RAB37: variants seen among roughly 807,000 people sequenced by gnomAD.
RAB37 encodes ras-related protein Rab-37.
A neutral mutation model predicts 33.1 loss-of-function variants in RAB37; 29 were observed. The observed-to-expected ratio is 0.88, with a 90% confidence interval of 0.65 to 1.20. RAB37 has a LOEUF of 1.20. RAB37 is among the 50% of genes most tolerant of loss of function. The probability of loss-of-function intolerance (pLI) is 0.00; values close to 1 mark genes in which losing one functional copy is unlikely to be tolerated. For missense variants in RAB37, 299 were observed against 301.1 expected, an observed-to-expected ratio of 0.99 and a Z score of 0.05; for synonymous variants, 128 against 119.5, an observed-to-expected ratio of 1.07 and a Z score of -0.47.
upstream of RAB37, chr17:74,737,019 A>G (rs750311974): frequency 1.1e-5 from 18 of 1,605,624 alleles, no homozygotes; most frequent in South Asian, 1.7e-4. Flanking sequence ...GATGTGGCTC[A>G]TGTCCGAAGC....
chr17:74,734,999 GAAAAA>G (rs2034447908), upstream of RAB37, among the ~76,000 whole-genome samples: 1 of 95,914 alleles, frequency 1.0e-5, no homozygotes, highest in South Asian at 3.3e-4. Context: ...AAGGAAGAAA[GAAAAA>G]GAAAGGAAGG....
chr17:74,736,713 A>G (rs1157066999), upstream of RAB37: 4 of 1,535,630 alleles, frequency 2.6e-6, no homozygotes, highest in Non-Finnish European at 3.5e-6. Context: ...AAAACACCGC[A>G]GCGTACATGT....
At chr17:74,711,645 G>C (rs76156522) in intron 1 of RAB37, among the ~76,000 whole-genome samples, 1 of 152,076 alleles carries the variant, frequency 6.6e-6, no homozygotes, top group South Asian at 2.1e-4. Flanking sequence ...TCCTACACAA[G>C]AGCCCTCGTA....
chr17:74,679,991 A>AAAG (rs1425870877), intron 1 of RAB37, among the ~76,000 whole-genome samples: 1 of 143,484 alleles, frequency 7.0e-6, no homozygotes, highest in African/African-American at 2.5e-5. Flanking sequence ...AAAAAAAAAA[A>AAAG]AAAGAAAGAA....
chr17:74,688,830 C>T (rs1383801562), intron 1 of RAB37, among the ~76,000 whole-genome samples: 1 of 152,102 alleles, frequency 6.6e-6, no homozygotes, highest in Non-Finnish European at 1.5e-5. Context: ...TTTCTTGCTT[C>T]ATGTTAAAGA....
At chr17:74,726,229 T>C in intron 1 of RAB37, among the ~76,000 whole-genome samples, 1 of 131,386 alleles carries the variant, frequency 7.6e-6, no homozygotes. Context: ...AGAGAGACTC[T>C]GCCTAAAAAA....
rs956878439 is a variant in RAB37, at chr17:74,723,656, A to G, written c.73-5600A>G. On this transcript the variant is annotated intron_variant, in intron 1 of 7. Coordinates refer to the RAB37 transcript ENST00000340415. ...TGCAGTGGCGTGGTCTCGGCTCACC[A>G]CAACCTCTGCCTCCTGGATTCAAGT... 6.4e-5 allele frequency among the ~76,000 whole-genome samples: 9 copies of G among 141,296 alleles called. No individual in the cohort carries two copies. The South Asian group carries it at 1.1e-3, about 17-fold the overall frequency. The allele number at this position is 141,296 out of a possible 152,430, so 92.7% of individuals were successfully genotyped here. A position where few individuals can be genotyped will look rare whatever the true frequency, so the allele number is the denominator to read the frequency against.
intron 1 of RAB37, among the ~76,000 whole-genome samples, chr17:74,739,834 T>C (rs1051285861): frequency 6.6e-6 from 1 of 152,052 alleles, no homozygotes; most frequent in Non-Finnish European, 1.5e-5. Context: ...CCCGGCCTCA[T>C]GCAACCTTTT....
At chr17:74,726,393 G>A (rs1020238264) in intron 1 of RAB37, among the ~76,000 whole-genome samples, 6 of 151,978 alleles carry the variant, frequency 3.9e-5, no homozygotes, top group Non-Finnish European at 7.4e-5. Context: ...TTCCTATGAT[G>A]AAAATTGATG....
chr17:74,744,402 A>G lies in RAB37; in HGVS notation c.432+29A>G, dbSNP rs2034698911. 1 of 1,607,534 alleles carries G rather than the reference A, an allele frequency of 6.2e-7. No homozygotes were observed. The highest frequency in any genetic ancestry group is 8.5e-7 in the Non-Finnish European group (1 of 1,174,158). ...AGTGGCTCCGGGGCAGGGTCAGCCC[A>G]GCCCTGCACTTCCTCAGCCCTAGCC... is the stretch of plus-strand genomic sequence containing the variant. On this transcript the variant is annotated intron_variant, in intron 6 of 8. Transcript: ENST00000392613. The surrounding 1 kb of genome is among the most constrained non-coding windows in gnomAD (Gnocchi z 4.2).
chr17:74,714,335 A>G (rs1162645476), intron 1 of RAB37, among the ~76,000 whole-genome samples: 2 of 151,756 alleles, frequency 1.3e-5, no homozygotes, highest in South Asian at 2.1e-4. Flanking sequence ...GCAGTGAGCT[A>G]TGATTGAGCC....
intron 1 of RAB37, among the ~76,000 whole-genome samples, chr17:74,727,947 G>T (rs998744614): frequency 1.3e-5 from 2 of 151,990 alleles, no homozygotes; most frequent in African/African-American, 4.8e-5. Context: ...GTGAATGTGT[G>T]TGTCTGTGTG....
At position 74,745,033 on chromosome 17, in the gene RAB37, C is replaced by G; in HGVS notation, c.515C>G (p.Thr172Ser). Residue 172 changes from threonine (T) to serine (S), a missense_variant, in exon 8 of 9, where the codon ACC becomes AGC. Thr to Ser is a moderately conservative substitution (Grantham distance 58, BLOSUM62 1). Transcript: ENST00000392613. The surrounding 1 kb of genome is among the most constrained non-coding windows in gnomAD (Gnocchi z 4.5). ...AREYGVPFLE[T>S]SAKTGMNVEL... ...GAGTACGGTGTTCCCTTCCTGGAGA[C>G]CAGCGCCAAGACTGGCATGAATGTG... The G allele has an allele frequency of 1.2e-6, 2 of 1,614,246 alleles. No homozygotes were observed.
intron 1 of RAB37, among the ~76,000 whole-genome samples, chr17:74,678,429 C>A (rs932408823): frequency 6.6e-6 from 1 of 152,180 alleles, no homozygotes; most frequent in South Asian, 2.1e-4. Flanking sequence ...GCACATGGTT[C>A]CTGACCTTGA....
intron 1 of RAB37, among the ~76,000 whole-genome samples, chr17:74,728,752 CTGTA>C (rs1432006768): frequency 5.3e-5 from 8 of 150,076 alleles, no homozygotes; most frequent in Middle Eastern, 7.2e-3. Flanking sequence ...TTTTCTGTGT[CTGTA>C]TGTGTCTTGT....
intron 1 of RAB37, among the ~76,000 whole-genome samples, chr17:74,691,926 C>T (rs2034309): frequency 0.58 from 87,023 of 149,572 alleles, 30,512 homozygotes; most frequent in Middle Eastern, 0.79. Context: ...AGTGCAGTGG[C>T]GCGATCTCAG....
In RAB37 at chr17:74,745,512, A is replaced by T; in HGVS notation, c.*101A>T. ...AGAGGCTGAGCCAATGGGGAGAAAG[A>T]TGGAGGACTCACTGCACAGCCGCTT... is the stretch of plus-strand genomic sequence containing the variant. On this transcript the variant is annotated 3_prime_UTR_variant, in exon 9 of 9. Transcript: ENST00000392613. This position sits in a 1 kb window ranked among gnomAD's most constrained non-coding sequence, Gnocchi z 4.5. 3 of 945,920 alleles carry T rather than the reference A, an allele frequency of 3.2e-6. No homozygotes were observed. Among genetic ancestry groups the T allele is most frequent in the Non-Finnish European group, 5.0e-6 (3 of 599,068 alleles). The allele number at this position is 945,920 out of a possible 1,614,324, so 58.6% of individuals were successfully genotyped here.
chr17:74,694,964 G>A (rs1005309041), intron 1 of RAB37: 5 of 1,034,552 alleles, frequency 4.8e-6, no homozygotes, highest in Admixed American at 4.8e-5. Flanking sequence ...CCAGAGCTAG[G>A]GGCAATGCTG....
intron 1 of RAB37, among the ~76,000 whole-genome samples, chr17:74,675,019 A>G (rs1242593852): frequency 1.3e-5 from 2 of 152,252 alleles, no homozygotes; most frequent in Non-Finnish European, 2.9e-5. Flanking sequence ...TTTGAGCAAC[A>G]TCTGTGAGTC....
Sources: gnomAD v4.1 joint callset for allele counts (sites outside exome capture counted in the v4.1 genomes callset) on GRCh38, gnomAD v4.1.1 for gene constraint, Gnocchi (gnomAD v3.1) non-coding constraint, MANE v1.5 for transcripts, NCBI Gene and HGNC (gene_info 2026-07-23, HGNC 2026-07-21) for gene names.